The following ASAH2 variants were observed in gnomAD, a reference collection of about 807,000 sequenced individuals.
ASAH2 encodes the protein N-acylsphingosine amidohydrolase 2, also known as neutral ceramidase.
ASAH2 carries 58 observed loss-of-function variants against 82.9 expected under a neutral mutation model. The ratio of observed to expected loss-of-function variants is 0.70; its 90% CI spans 0.57 to 0.87. The LOEUF (loss-of-function observed/expected upper bound fraction) is 0.87. ASAH2 is among the 40% of genes least tolerant of loss of function. The probability of loss-of-function intolerance (pLI) is 0.00; values close to 1 mark genes in which losing one functional copy is unlikely to be tolerated. For synonymous variants in ASAH2, 276 were observed against 289.7 expected (o/e 0.95, Z 0.48); for missense variants, 779 against 834.0 (o/e 0.93, Z 0.81).
rs750316215 is a variant in ASAH2, at chr10:50,245,269, C to G, written c.313G>C (p.Gly105Arg). 6.2e-7 allele frequency: 1 copy of G among 1,614,058 alleles called. No homozygotes were observed. The highest frequency in any genetic ancestry group is 8.5e-7 in the Non-Finnish European group (1 of 1,179,974). ...CCTGTGCAGTCAGCTCGTCCAACAC[C>G]AATATGGTAGCCACTGAAGTTCTGA... ...LFQNFSGYHIGVGRADCTGQV... is the reference protein window; with the variant it reads ...LFQNFSGYHIRVGRADCTGQV... Residue 105 changes from glycine to arginine, a missense_variant, in exon 3 of 21, where the codon GGT (glycine) becomes CGT (arginine). This residue lies in a region of ASAH2 where 759 missense variants were observed against 755.2 expected (regional missense o/e 1.00). Coordinates refer to ENST00000682911, the MANE Select transcript of ASAH2 (RefSeq NM_019893.4).
At chr10:50,209,730 C>T (rs78320396) in intron 12 of ASAH2, among the ~76,000 whole-genome samples, 23,003 of 152,000 alleles carry the variant, frequency 0.15, 2,044 homozygotes, top group East Asian at 0.33. Flanking sequence ...GAGAAAACTA[C>T]GTAAATGACA....
At chr10:50,233,315 A>C in intron 6 of ASAH2, 54 bp from the exon 7 acceptor site, 26 of 1,302,278 alleles carry the variant, frequency 2.0e-5, no homozygotes, top group Non-Finnish European at 2.3e-5. Context: ...CCTAACCCTC[A>C]TGTAAGATGA....
At chr10:50,194,476 A>C (rs904833321) in intron 18 of ASAH2, among the ~76,000 whole-genome samples, 14 of 151,776 alleles carry the variant, frequency 9.2e-5, no homozygotes, top group African/African-American at 2.9e-4. Context: ...TAAAACATGA[A>C]AAAGAGAATC....
At chr10:50,239,809 T>C (rs1846247430) in intron 4 of ASAH2, among the ~76,000 whole-genome samples, 1 of 148,356 alleles carries the variant, frequency 6.7e-6, no homozygotes, top group African/African-American at 2.5e-5. Context: ...TGTCTATTCA[T>C]CTCCAAATCT....
chr10:50,206,038 A>G lies in ASAH2; in HGVS notation c.1474T>C (p.Ser492Pro). The change falls in exon 13 of 21, where the codon TCT (serine) becomes CCT (proline). Residue 492 changes from serine (S) to proline (P), a missense_variant. This residue lies in a region of ASAH2 where 759 missense variants were observed against 755.2 expected (regional missense o/e 1.00). Transcript: ENST00000682911. ...TIRDQILGKPSEEIKECHKPK... is the reference protein window; with the variant it reads ...TIRDQILGKPPEEIKECHKPK... ...TTATGACATTCTTTAATTTCTTCAG[A>G]TGGCTTTCCCAGGATCTGGTCCCGA... 6 of 1,612,660 alleles carry G rather than the reference A, an allele frequency of 3.7e-6. No homozygotes were observed. The highest frequency in any genetic ancestry group is 3.4e-6 in the Non-Finnish European group (4 of 1,178,940).
At chr10:50,232,955 T>A (rs1031819126) in intron 7 of ASAH2, among the ~76,000 whole-genome samples, 1 of 152,150 alleles carries the variant, frequency 6.6e-6, no homozygotes, top group Admixed American at 6.6e-5. Flanking sequence ...CTCTCATTTA[T>A]CTTCCCTGTA....
At chr10:50,197,943 A>C (rs1457686892) in intron 17 of ASAH2, among the ~76,000 whole-genome samples, 6 of 152,032 alleles carry the variant, frequency 3.9e-5, no homozygotes, top group African/African-American at 1.4e-4. Flanking sequence ...TAAATAAATA[A>C]ATACAAACAG....
intron 10 of ASAH2, 98 bp from the exon 11 acceptor site, chr10:50,211,232 C>A: frequency 1.1e-6 from 1 of 909,598 alleles, no homozygotes; most frequent in Non-Finnish European, 1.8e-6. Context: ...TTTGGAAATG[C>A]ATCTCTCAGC....
At position 50,214,802 on chromosome 10, in the gene ASAH2, G is replaced by A. The variant is rs565816415; in HGVS notation, c.1081C>T (p.Arg361Cys). 2.2e-5 allele frequency: 35 copies of A among 1,613,750 alleles called. No individual in the cohort carries two copies. The highest frequency in any genetic ancestry group is 1.6e-4 in the East Asian group (7 of 44,874). ...CAGGACTCTCCTGTGTTGATGCAAC[G>A]TGGTCCAAGAATGTTGGGGGACACA... ...GDVSPNILGP[R>C]CINTGESCDN... The change falls in exon 9 of 21, where the codon CGT (arginine) becomes TGT (cysteine). Residue 361 changes from arginine to cysteine, a missense_variant. Arg to Cys is a radical substitution (Grantham distance 180, BLOSUM62 -3). Transcript: ENST00000682911.
chr10:50,243,688 C>T (rs1205730486), intron 3 of ASAH2, among the ~76,000 whole-genome samples: 2 of 152,156 alleles, frequency 1.3e-5, no homozygotes, highest in Non-Finnish European at 2.9e-5. Context: ...AGAGATCTTT[C>T]TGGCCTTTCT....
At position 50,236,037 on chromosome 10, in the gene ASAH2, CA is replaced by C. The variant is rs1256967315; in HGVS notation, c.537del (p.Tyr179Ter). ...LEVLNRLQSK[Y>X]GSLYRRDNVI... ...ACATTATCTCTTCTGTACAGGGAGC[CA>C]TATTTACTCTGCAGTCTGTTCAGGA... On this transcript the variant is annotated frameshift_variant, in exon 5 of 21. Transcript: ENST00000682911. LOFTEE classifies it high-confidence loss of function. 1.5e-4 allele frequency: 240 copies of C among 1,613,102 alleles called. No individual in the cohort carries two copies. The highest frequency in any genetic ancestry group is 1.9e-4 in the Non-Finnish European group (224 of 1,179,384).
At chr10:50,204,448 C>A (rs1457729954) in intron 14 of ASAH2, among the ~76,000 whole-genome samples, 1 of 151,824 alleles carries the variant, frequency 6.6e-6, no homozygotes, top group South Asian at 2.1e-4. Context: ...AGAGATAGGA[C>A]CTGCTGGAAA....
rs1238007384 is a variant in ASAH2, at chr10:50,216,821, T to C, written c.1014+1689A>G. ...TAAATCTTTTTTGATACTAAAGAGA[T>C]AATTTATTTCATAGTGCCTAGCACT... On this transcript the variant is annotated intron_variant, in intron 8 of 20. Coordinates refer to ENST00000682911, the MANE Select transcript of ASAH2 (RefSeq NM_019893.4). 2.6e-5 allele frequency among the ~76,000 whole-genome samples: 4 copies of C among 152,300 alleles called. No homozygotes were observed. The East Asian group carries it at 7.7e-4, about 29-fold the overall frequency.
At chr10:50,212,386 A>C (rs1345968301) in intron 10 of ASAH2, among the ~76,000 whole-genome samples, 5 of 152,182 alleles carry the variant, frequency 3.3e-5, no homozygotes, top group Non-Finnish European at 7.3e-5. Flanking sequence ...AAATCAGAGT[A>C]ATTCATAGTA....
intron 3 of ASAH2, among the ~76,000 whole-genome samples, chr10:50,244,814 G>T (rs377672182): frequency 6.6e-6 from 1 of 151,844 alleles, no homozygotes; most frequent in East Asian, 1.9e-4. Flanking sequence ...GCAACAATCA[G>T]CTAGATTCAT....
At chr10:50,241,949 TG>T (rs1282033435) in intron 4 of ASAH2, among the ~76,000 whole-genome samples, 2 of 152,122 alleles carry the variant, frequency 1.3e-5, no homozygotes, top group Non-Finnish European at 2.9e-5. Context: ...GACGGGTTGA[TG>T]GGTCCAGCAA....
At chr10:50,224,273 C>G (rs1845821512) in intron 7 of ASAH2, among the ~76,000 whole-genome samples, 1 of 152,066 alleles carries the variant, frequency 6.6e-6, no homozygotes, top group Non-Finnish European at 1.5e-5. Flanking sequence ...TAAATGTTCA[C>G]TACAAGAATA....
Position 50,202,871 on chromosome 10 carries a change from G to A in ASAH2, c.1719C>T (p.Cys573=). Residue 573 remains cysteine, a synonymous_variant, in exon 16 of 21, where the codon TGC becomes TGT. Transcript: ENST00000682911. ...TGGTAATGTAATGTGTATAGACGTT[G>A]CATAGACCTGAAATAACAACAGTCA... ...QNMTVVISGL[C]NVYTHYITTY... is the part of the protein sequence containing the mutation. 1 of 1,612,034 alleles carries A rather than the reference G, an allele frequency of 6.2e-7. No homozygotes were observed. The highest frequency in any genetic ancestry group is 1.7e-5 in the Admixed American group (1 of 59,890).
chr10:50,247,303 G>A (rs77097113), intron 2 of ASAH2, among the ~76,000 whole-genome samples: 2,947 of 148,728 alleles, frequency 0.02, 87 homozygotes, highest in African/African-American at 0.068. Context: ...GATTACAGGC[G>A]TGCACCACCA....
Sources: allele counts gnomAD v4.1 joint callset (sites outside exome capture counted in the v4.1 genomes callset), GRCh38; gene constraint gnomAD v4.1.1; regional missense constraint gnomAD v4.1.1; transcripts MANE v1.5; gene names NCBI Gene and HGNC (gene_info 2026-07-23, HGNC 2026-07-21).